Variants in EXT1 observed in about 807,000 individuals in gnomAD.
The protein encoded by EXT1 is exostosin-1.
A neutral mutation model predicts 82.5 loss-of-function variants in EXT1; 20 were observed. The observed-to-expected ratio is 0.24, with a 90% confidence interval of 0.17 to 0.35. The LOEUF is 0.35. Ranked by LOEUF, EXT1 falls within the 10% of genes least tolerant of loss-of-function variation. The pLI is 1.00. For synonymous variants in EXT1, 348 were observed against 350.8 expected, an observed-to-expected ratio of 0.99 and a Z score of 0.09; for missense variants, 757 against 936.5, an observed-to-expected ratio of 0.81 and a Z score of 2.50.
At chr8:118,072,437 C>T (rs922262250) in intron 1 of EXT1, among the ~76,000 whole-genome samples, 1 of 152,198 alleles carries the variant, frequency 6.6e-6, no homozygotes, top group Non-Finnish European at 1.5e-5. Flanking sequence ...TTATATACTG[C>T]CTTACATTGT....
At chr8:117,984,141 G>A (rs556314185) in intron 1 of EXT1, among the ~76,000 whole-genome samples, 2 of 152,232 alleles carry the variant, frequency 1.3e-5, no homozygotes, top group South Asian at 2.1e-4. Flanking sequence ...GCAACTGGCC[G>A]AGCACAGTGG....
intron 1 of EXT1, among the ~76,000 whole-genome samples, chr8:118,035,533 A>G (rs1816403520): frequency 6.6e-6 from 1 of 152,184 alleles, no homozygotes; most frequent in Admixed American, 6.6e-5. Flanking sequence ...TATTTCAAAA[A>G]AAACAGACTT....
rs145588559 is a variant in EXT1 at position 118,085,151 on chromosome 8, G to A, written c.962+24934C>T. 5.1e-4 allele frequency among the ~76,000 whole-genome samples: 77 copies of A among 152,270 alleles called. 1 individual carries two copies. Among genetic ancestry groups the A allele is most frequent in the African/African-American group, 1.8e-3 (73 of 41,564 alleles). ...TAGGAAAAAGTGTTTAGAGAGAGGT[G>A]GGTAAATTCAACTTGGCTATCAAAT... is the stretch of plus-strand genomic sequence containing the variant. On this transcript the variant is annotated intron_variant, in intron 1 of 10. Transcript: ENST00000378204.
chr8:117,994,058 T>C (rs929826696), intron 1 of EXT1, among the ~76,000 whole-genome samples: 2 of 152,242 alleles, frequency 1.3e-5, no homozygotes, highest in African/African-American at 4.8e-5. Context: ...TAAAAGCGGA[T>C]GCTAGAACTG....
intron 1 of EXT1, among the ~76,000 whole-genome samples, chr8:117,855,378 CATA>C (rs1812523730): frequency 6.6e-6 from 1 of 152,172 alleles, no homozygotes; most frequent in African/African-American, 2.4e-5. Context: ...TGGTAATTCT[CATA>C]ATATTTCAAA....
At chr8:117,858,803 G>GGAAGGAAGGAA (rs1563582124) in intron 1 of EXT1, among the ~76,000 whole-genome samples, 5 of 80,330 alleles carry the variant, frequency 6.2e-5, no homozygotes, top group African/African-American at 3.2e-4. Context: ...GGCAAGGCAA[G>GGAAGGAAGGAA]GCAAGGCAGG....
At chr8:117,995,621 A>G (rs1328763225) in intron 1 of EXT1, among the ~76,000 whole-genome samples, 2 of 152,076 alleles carry the variant, frequency 1.3e-5, no homozygotes, top group Admixed American at 6.5e-5. Context: ...TGTAGGCTTA[A>G]CTTTTTGCCT....
intron 1 of EXT1, among the ~76,000 whole-genome samples, chr8:117,844,181 C>A (rs113022934): frequency 3.6e-4 from 32 of 90,036 alleles, no homozygotes; most frequent in South Asian, 3.1e-3. Flanking sequence ...GAGACAAGAT[C>A]TTGCTCTGTC....
At chr8:117,923,486 G>C (rs1011626146) in intron 1 of EXT1, among the ~76,000 whole-genome samples, 1 of 151,864 alleles carries the variant, frequency 6.6e-6, no homozygotes, top group Non-Finnish European at 1.5e-5. Context: ...GGGAGGCCAA[G>C]GCGGGCAGAT....
intron 1 of EXT1, among the ~76,000 whole-genome samples, chr8:117,893,990 T>C (rs141593888): frequency 6.6e-6 from 1 of 152,260 alleles, no homozygotes; most frequent in African/African-American, 2.4e-5. Context: ...TAGGTCTGTT[T>C]AGCAAGAATC....
At position 117,796,353 on chromosome 8, in the gene EXT1, T is replaced by A. The variant is rs1328728276; in HGVS notation, c.*3359A>T. On this transcript the variant is annotated 3_prime_UTR_variant, in exon 11 of 11. Coordinates refer to ENST00000378204, the MANE Select transcript of EXT1 (RefSeq NM_000127.3). ...TAAACAGGTTTGTTCTTAAATCAAG[T>A]GCCCTGTTTTTTTTTTTTTTAATTA... 6.9e-6 allele frequency: 1 copy of A among 145,042 alleles called. No homozygotes were observed. Among genetic ancestry groups the A allele is most frequent in the South Asian group, 2.2e-4 (1 of 4,550 alleles). 9.0% of individuals were successfully genotyped at this position (145,042 alleles called of 1,614,324 possible).
In EXT1 at chr8:117,890,309, G is replaced by A. The variant is rs561535136; in HGVS notation, c.963-53108C>T. ...AACCAGGAGCAATTTTGCTTCCCAAGAAACCTTTGGCAACTTCTAGAGATA... is the reference window on the plus strand; with the variant it reads ...AACCAGGAGCAATTTTGCTTCCCAAAAAACCTTTGGCAACTTCTAGAGATA... On this transcript the variant is annotated intron_variant, in intron 1 of 10. Coordinates refer to ENST00000378204, the MANE Select transcript of EXT1 (RefSeq NM_000127.3). Among the ~76,000 whole-genome samples the A allele has an allele frequency of 2.6e-5, 4 of 152,294 alleles. No homozygotes were observed. The South Asian group carries it at 8.3e-4, about 32-fold the overall frequency.
At chr8:117,941,083 C>T (rs1269418340) in intron 1 of EXT1, among the ~76,000 whole-genome samples, 1 of 152,196 alleles carries the variant, frequency 6.6e-6, no homozygotes, top group Admixed American at 6.5e-5. Flanking sequence ...CCTTTACTGG[C>T]TTCTACAAAG....
chr8:118,011,615 C>A (rs1352576793), intron 1 of EXT1, among the ~76,000 whole-genome samples: 1 of 152,150 alleles, frequency 6.6e-6, no homozygotes, highest in Non-Finnish European at 1.5e-5. Flanking sequence ...TTCACAGATA[C>A]AAACACAACT....
chr8:117,965,795 CTAGT>C (rs1056775470), intron 1 of EXT1, among the ~76,000 whole-genome samples: 1 of 152,060 alleles, frequency 6.6e-6, no homozygotes, highest in Non-Finnish European at 1.5e-5. Flanking sequence ...TTTTCTGCAA[CTAGT>C]TACTTTTTAA....
chr8:117,819,649 G>T (rs1445496856), intron 6 of EXT1, 27 bp downstream of exon 6: 1 of 1,592,092 alleles, frequency 6.3e-7, no homozygotes, highest in Non-Finnish European at 8.6e-7. Flanking sequence ...GAGCAGGCAG[G>T]GGCTTCTCTG....
intron 1 of EXT1, among the ~76,000 whole-genome samples, chr8:117,845,768 T>C (rs1812347938): frequency 6.6e-6 from 1 of 151,998 alleles, no homozygotes; most frequent in Non-Finnish European, 1.5e-5. Context: ...TAAATTATAA[T>C]AACAACAATA....
At chr8:118,055,082 C>A (rs1358449255) in intron 1 of EXT1, among the ~76,000 whole-genome samples, 1 of 152,052 alleles carries the variant, frequency 6.6e-6, no homozygotes, top group East Asian at 1.9e-4. Flanking sequence ...CATCCACTTC[C>A]AATATTAAGT....
Position 118,078,315 on chromosome 8 carries a change from C to T in EXT1, c.962+31770G>A, listed in dbSNP as rs548910980. ...CTAGGTTCAAGCAATTCTCATGTCT[C>T]TGCTTCCCGAGTAGCTGGGATCACA... On this transcript the variant is annotated intron_variant, in intron 1 of 10. Transcript: ENST00000378204. Among the ~76,000 whole-genome samples the T allele has an allele frequency of 2.2e-3, 339 of 152,338 alleles. 2 individuals carry two copies. The highest frequency in any genetic ancestry group is 3.4e-3 in the Middle Eastern group (1 of 294).
Sources: allele counts gnomAD v4.1 joint callset (sites outside exome capture counted in the v4.1 genomes callset), GRCh38; gene constraint gnomAD v4.1.1; transcripts MANE v1.5; gene names NCBI Gene and HGNC (gene_info 2026-07-23, HGNC 2026-07-21).